Variants in FAM174B observed in about 807,000 individuals in gnomAD.
FAM174B encodes membrane protein FAM174B.
Under a neutral mutation model 10.9 loss-of-function variants are expected in FAM174B, and 12 were observed. The observed-to-expected ratio is 1.10, with a 90% CI of 0.71 to 1.79. The LOEUF (loss-of-function observed/expected upper bound fraction) is 1.79. FAM174B is among the 40% of genes most tolerant of loss of function. The probability of loss-of-function intolerance (pLI) is 0.00; values close to 1 mark genes in which losing one functional copy is unlikely to be tolerated. For synonymous variants in FAM174B, 132 were observed against 115.8 expected, an observed-to-expected ratio of 1.14 and a Z score of -0.90; for missense variants, 266 against 233.3, an observed-to-expected ratio of 1.14 and a Z score of -0.91.
chr15:92,640,053 C>CA (rs1447125020), intron 1 of FAM174B, among the ~76,000 whole-genome samples: 2 of 152,068 alleles, frequency 1.3e-5, no homozygotes, highest in Admixed American at 1.3e-4. Flanking sequence ...GATGGCATTT[C>CA]AAATGAGTGA....
chr15:92,631,281 AATATATT>A (rs2050804825), intron 1 of FAM174B, among the ~76,000 whole-genome samples: 1 of 6,036 alleles, frequency 1.7e-4, no homozygotes, highest in African/African-American at 6.1e-4. Context: ...TATTATATAT[AATATATT>A]ATATATTATA....
intron 2 of FAM174B, chr15:92,627,233 C>G (rs1046777061): frequency 6.5e-6 from 1 of 153,466 alleles, no homozygotes; most frequent in Non-Finnish European, 1.5e-5. Context: ...GCAAGCCAAC[C>G]TGGACTTTCA....
Position 92,626,139 on chromosome 15 carries a change from A to ATGGAGTCTCGCTCTTTCAC in FAM174B, c.476+4074_476+4075insGTGAAAGAGCGAGACTCCA, listed in dbSNP as rs1555420571. Among the ~76,000 whole-genome samples the ATGGAGTCTCGCTCTTTCAC allele has an allele frequency of 3.6e-5, 5 of 137,398 alleles. 1 individual carries two copies. Among genetic ancestry groups the ATGGAGTCTCGCTCTTTCAC allele is most frequent in the East Asian group, 4.3e-4 (2 of 4,698 alleles). 90.1% of individuals were successfully genotyped at this position (137,398 alleles called of 152,430 possible). ...ATTTTTTTTTTTTTTTTTTTTTGAGACCAGGCCGGAGTGCACTGGCGCGAT... is the reference window on the plus strand; with the variant it reads ...ATTTTTTTTTTTTTTTTTTTTTGAGATGGAGTCTCGCTCTTTCACCCAGGCCGGAGTGCACTGGCGCGAT... On this transcript the variant is annotated intron_variant, in intron 2 of 2. Transcript: ENST00000327355.
In FAM174B at chr15:92,651,410, A is replaced by G. The variant is rs2050965617; in HGVS notation, c.344+3906T>C. ...TCATAACTACATGCTTCTGGATTGT[A>G]AAAGAATTCAAACTATGCAGAAACA... On this transcript the variant is annotated intron_variant, in intron 1 of 2. Transcript: ENST00000327355. Among the ~76,000 whole-genome samples, 2 of 152,264 alleles carry G rather than the reference A, an allele frequency of 1.3e-5. 1 individual carries two copies. Among genetic ancestry groups the G allele is most frequent in the South Asian group, 4.1e-4 (2 of 4,838 alleles).
intron 2 of FAM174B, among the ~76,000 whole-genome samples, chr15:92,620,613 G>C (rs574532020): frequency 6.6e-6 from 1 of 152,086 alleles, no homozygotes; most frequent in African/African-American, 2.4e-5. Flanking sequence ...TAAGGGGTTC[G>C]AGACCAGCCT....
At chr15:92,636,619 C>A (rs889891013) in intron 1 of FAM174B, among the ~76,000 whole-genome samples, 2 of 147,662 alleles carry the variant, frequency 1.4e-5, no homozygotes, top group African/African-American at 5.0e-5. Flanking sequence ...TGAAATGTGC[C>A]GCGGAGATAG....
chr15:92,640,396 A>G (rs1051212067), intron 1 of FAM174B, among the ~76,000 whole-genome samples: 2 of 151,840 alleles, frequency 1.3e-5, no homozygotes, highest in African/African-American at 4.8e-5. Context: ...TACCAAAAAT[A>G]CAAAAATTAG....
At chr15:92,631,976 G>A (rs1221864398) in intron 1 of FAM174B, among the ~76,000 whole-genome samples, 1 of 151,064 alleles carries the variant, frequency 6.6e-6, no homozygotes, top group Non-Finnish European at 1.5e-5. Context: ...TCAGGGGCAA[G>A]TCAGTTCATC....
Position 92,640,935 on chromosome 15 carries a change from G to A in FAM174B, c.345-10590C>T, listed in dbSNP as rs558708155. 1.0e-3 allele frequency among the ~76,000 whole-genome samples: 154 copies of A among 152,106 alleles called. 1 individual carries two copies. Among genetic ancestry groups the A allele is most frequent in the Non-Finnish European group, 1.6e-3 (112 of 68,014 alleles). On this transcript the variant is annotated intron_variant, in intron 1 of 2. Coordinates refer to ENST00000327355, the MANE Select transcript of FAM174B (RefSeq NM_207446.3). ...GCTGGGATTACAGGCATGAGCCACC[G>A]CGCCTGGCTAACATATTATAAATGT... is the stretch of plus-strand genomic sequence containing the variant.
At position 92,655,619 on chromosome 15, in the gene FAM174B, AGCAGCGGCAGGAGCGGGGCGG is replaced by A; in HGVS notation, c.20_40del (p.Pro7_Leu13del). 7.9e-7 allele frequency: 1 copy of A among 1,266,434 alleles called. No homozygotes were observed. The highest frequency in any genetic ancestry group is 3.2e-5 in the South Asian group (1 of 31,346). 78.4% of individuals were successfully genotyped at this position (1,266,434 alleles called of 1,614,324 possible). On this transcript the variant is annotated inframe_deletion, in exon 1 of 3. Transcript: ENST00000327355. ...GGGAGCGGCCAGGAGCGCGAGCAGC[AGCAGCGGCAGGAGCGGGGCGG>A]GCAGCGGCACGGCGCGCATAGTGCG... is the stretch of plus-strand genomic sequence containing the variant.
intron 1 of FAM174B, chr15:92,645,643 G>T (rs1446654340): frequency 6.6e-6 from 1 of 152,312 alleles, no homozygotes; most frequent in East Asian, 1.9e-4. Context: ...GCCAGGGAAG[G>T]GAAGTGAGGT....
chr15:92,639,026 T>G (rs1201722015), intron 1 of FAM174B: 1 of 152,276 alleles, frequency 6.6e-6, no homozygotes, highest in South Asian at 2.1e-4. Context: ...GGGCTCCCAT[T>G]ATCAAGGCAA....
chr15:92,625,692 A>G (rs4778017), intron 2 of FAM174B, among the ~76,000 whole-genome samples: 88,543 of 152,078 alleles, frequency 0.58, 25,830 homozygotes, highest in African/African-American at 0.59. Flanking sequence ...TCACATCTAT[A>G]TACTCACACA....
At chr15:92,630,700 TATTATATA>T (rs1567044553) in intron 1 of FAM174B, among the ~76,000 whole-genome samples, 2 of 137,378 alleles carry the variant, frequency 1.5e-5, no homozygotes, top group Non-Finnish European at 3.0e-5. Context: ...TTTATATATA[TATTATATA>T]ATTATATATT....
chr15:92,626,415 A>T (rs56162818), intron 2 of FAM174B, among the ~76,000 whole-genome samples: 12,943 of 152,094 alleles, frequency 0.085, 923 homozygotes, highest in African/African-American at 0.19. Context: ...GATTTTTTTT[A>T]AAAAAATCAG....
At chr15:92,653,552 T>C (rs1257901405) in intron 1 of FAM174B, among the ~76,000 whole-genome samples, 1 of 152,214 alleles carries the variant, frequency 6.6e-6, no homozygotes, top group African/African-American at 2.4e-5. Flanking sequence ...GCATCGGGCA[T>C]GGAGACACGA....
chr15:92,637,747 A>C (rs1353117884), intron 1 of FAM174B, among the ~76,000 whole-genome samples: 2 of 152,168 alleles, frequency 1.3e-5, no homozygotes. Context: ...ACCTCCCAGA[A>C]CTGCCATGAG....
intron 1 of FAM174B, among the ~76,000 whole-genome samples, chr15:92,646,710 A>C (rs2050930457): frequency 6.6e-6 from 1 of 152,222 alleles, no homozygotes; most frequent in Admixed American, 6.5e-5. Flanking sequence ...TCGCCTGCAT[A>C]ATAAAACCTT....
chr15:92,651,461 T>C (rs1163355868), intron 1 of FAM174B, among the ~76,000 whole-genome samples: 2 of 152,224 alleles, frequency 1.3e-5, no homozygotes, highest in African/African-American at 4.8e-5. Context: ...AAAAATATGA[T>C]AATCACCCAC....
Sources: allele counts gnomAD v4.1 joint callset (sites outside exome capture counted in the v4.1 genomes callset), GRCh38; gene constraint gnomAD v4.1.1; transcripts MANE v1.5; gene names NCBI Gene and HGNC (gene_info 2026-07-23, HGNC 2026-07-21).